Variants in CCL5 observed in about 807,000 individuals in gnomAD.
CCL5 encodes C-C motif chemokine 5.
Under a neutral mutation model 9.0 loss-of-function variants are expected in CCL5, and 5 were observed. That is an observed-to-expected ratio of 0.55 (90% CI 0.29 to 1.16). CCL5 has a LOEUF of 1.16. CCL5 is among the 50% of genes most tolerant of loss of function. CCL5 has a pLI of 0.08. For missense variants in CCL5, 183 were observed against 183.2 expected (o/e 1.00, Z 0.01); for synonymous variants, 66 against 72.0 (o/e 0.92, Z 0.42).
chr17:35,878,705 G>T, intron 1 of CCL5, 66 bp from the exon 2 acceptor site: 1 of 894,048 alleles, frequency 1.1e-6, no homozygotes, highest in Non-Finnish European at 1.8e-6. Flanking sequence ...ACATTGTGCT[G>T]GACACTTTAT....
intron 1 of CCL5, among the ~76,000 whole-genome samples, chr17:35,878,990 G>A (rs1313382582): frequency 6.6e-6 from 1 of 152,164 alleles, no homozygotes; most frequent in Admixed American, 6.5e-5. Flanking sequence ...CCTAGGGCAG[G>A]TTGTGGGGAG....
At chr17:35,873,924 T>C (rs1238392019) in intron 3 of CCL5, among the ~76,000 whole-genome samples, 1 of 152,134 alleles carries the variant, frequency 6.6e-6, no homozygotes, top group Non-Finnish European at 1.5e-5. Context: ...AGCCAGAATG[T>C]GGAGGCCTAT....
At chr17:35,879,618 G>C (rs556925222) in intron 1 of CCL5, among the ~76,000 whole-genome samples, 43 of 123,996 alleles carry the variant, frequency 3.5e-4, no homozygotes, top group African/African-American at 1.3e-3. Context: ...CTGGGCGACA[G>C]AGCGAAGACT....
rs1423637162 is a variant in CCL5, at chr17:35,880,268, A to G, written c.38T>C (p.Ile13Thr). The G allele has an allele frequency of 1.2e-6, 2 of 1,613,864 alleles. No individual in the cohort carries two copies. Among genetic ancestry groups the G allele is most frequent in the Non-Finnish European group, 1.7e-6 (2 of 1,179,930 alleles). The change falls in exon 1 of 4, where the codon ATT (isoleucine) becomes ACT (threonine). Residue 13 changes from isoleucine (I) to threonine (T), a missense_variant. By Grantham distance (89) the Ile-to-Thr change is moderately conservative (BLOSUM62 -1). Coordinates refer to ENST00000651122, the MANE Select transcript of CCL5 (RefSeq NM_001278736.2). ...TGCAGGAGCGCAGAGGGCAGTAGCAATGAGGATGACAGCGAGGGCTGCCGC... is the reference window on the plus strand; with the variant it reads ...TGCAGGAGCGCAGAGGGCAGTAGCAGTGAGGATGACAGCGAGGGCTGCCGC...
At chr17:35,876,539 A>G (rs2088443131) in intron 2 of CCL5, among the ~76,000 whole-genome samples, 1 of 152,136 alleles carries the variant, frequency 6.6e-6, no homozygotes, top group African/African-American at 2.4e-5. Flanking sequence ...AGGGCTTGCA[A>G]ATTCCACCTT....
Position 35,880,213 on chromosome 17 carries a change from T to G in CCL5, c.76+17A>C. ...AGTCTGACTCCAGGGGCTGTGGTGG[T>G]CAAGACCAGGACTTACATGGGGAGG... is the stretch of plus-strand genomic sequence containing the variant. On this transcript the variant is annotated intron_variant, in intron 1 of 3. Coordinates refer to ENST00000651122, the MANE Select transcript of CCL5 (RefSeq NM_001278736.2). 6.2e-7 allele frequency: 1 copy of G among 1,610,924 alleles called. No homozygotes were observed. The highest frequency in any genetic ancestry group is 1.1e-5 in the South Asian group (1 of 90,728).
chr17:35,874,542 C>T (rs1368068556), intron 3 of CCL5, among the ~76,000 whole-genome samples: 2 of 152,176 alleles, frequency 1.3e-5, no homozygotes, highest in Admixed American at 6.5e-5. Context: ...CTCAAGCCAT[C>T]CTCCTGCCTC....
At position 35,871,590 on chromosome 17, in the gene CCL5, G is replaced by A. The variant is rs938973452; in HGVS notation, c.*680C>T. On this transcript the variant is annotated 3_prime_UTR_variant, in exon 4 of 4. Coordinates refer to ENST00000651122, the MANE Select transcript of CCL5 (RefSeq NM_001278736.2). ...GACGGCGGAAGCTTAAGAGTGCAGT[G>A]TTCCTCCCCTCCTTGCCTCTAGAGG... The A allele has an allele frequency of 6.6e-6, 1 of 152,280 alleles. No homozygotes were observed. The highest frequency in any genetic ancestry group is 2.4e-5 in the African/African-American group (1 of 41,440). 9.4% of individuals were successfully genotyped at this position (152,280 alleles called of 1,614,324 possible). A position where few individuals can be genotyped will look rare whatever the true frequency, so the allele number is the denominator to read the frequency against.
intron 2 of CCL5, 107 bp downstream of exon 2, chr17:35,878,421 G>T: frequency 1.4e-6 from 1 of 732,858 alleles, no homozygotes; most frequent in Non-Finnish European, 2.5e-6. Flanking sequence ...AGATGGAGGA[G>T]CTGTGGCTGC....
intron 2 of CCL5, among the ~76,000 whole-genome samples, chr17:35,878,311 A>AAG (rs2088469384): frequency 7.0e-6 from 1 of 143,286 alleles, no homozygotes; most frequent in Admixed American, 7.1e-5. Context: ...AAAAAAAAAA[A>AAG]GATTGGAGTC....
At chr17:35,877,803 A>G (rs16963927) in intron 2 of CCL5, among the ~76,000 whole-genome samples, 15,648 of 151,988 alleles carry the variant, frequency 0.1, 1,338 homozygotes, top group African/African-American at 0.24. Flanking sequence ...ATTTGACTAC[A>G]GTTATAGATC....
chr17:35,879,990 G>A (rs767305930), intron 1 of CCL5, among the ~76,000 whole-genome samples: 19 of 152,176 alleles, frequency 1.2e-4, no homozygotes, highest in Admixed American at 3.3e-4. Context: ...CCTTGAGGGT[G>A]TAGACCTTAA....
At chr17:35,876,934 T>C (rs1003216859) in intron 2 of CCL5, among the ~76,000 whole-genome samples, 1 of 152,042 alleles carries the variant, frequency 6.6e-6, no homozygotes, top group African/African-American at 2.4e-5. Flanking sequence ...TCCCTTGTCA[T>C]GTTTTTTTTT....
intron 1 of CCL5, among the ~76,000 whole-genome samples, chr17:35,878,840 C>T (rs1170431597): frequency 1.3e-5 from 2 of 152,112 alleles, no homozygotes; most frequent in African/African-American, 2.4e-5. Flanking sequence ...AATCCTTGAG[C>T]CAAGCTTGTA....
rs28914811 is a variant in CCL5 at position 35,873,409 on chromosome 17, G to A, written c.271-945C>T. On this transcript the variant is annotated intron_variant, in intron 3 of 3. Coordinates refer to ENST00000651122, the MANE Select transcript of CCL5 (RefSeq NM_001278736.2). ...TCACTGTGTTAGCCAGGATGGTCTC[G>A]ATCTCCTGACCTCGTGATTCACCCA... Among the ~76,000 whole-genome samples the A allele has an allele frequency of 1.4e-3, 204 of 147,722 alleles. 3 individuals are homozygous for A. The East Asian group carries it at 0.027, about 19-fold the overall frequency.
chr17:35,877,037 CTG>C (rs1233480693), intron 2 of CCL5, among the ~76,000 whole-genome samples: 1 of 152,130 alleles, frequency 6.6e-6, no homozygotes, highest in Non-Finnish European at 1.5e-5. Context: ...CTTTAGTAAT[CTG>C]TGTCTGCCAA....
chr17:35,880,307 G>A lies in CCL5; in HGVS notation c.-2C>T. 1 of 1,610,848 alleles carries A rather than the reference G, an allele frequency of 6.2e-7. No homozygotes were observed. Among genetic ancestry groups the A allele is most frequent in the Non-Finnish European group, 8.5e-7 (1 of 1,178,500 alleles). On this transcript the variant is annotated 5_prime_UTR_variant, in exon 1 of 4. Coordinates refer to ENST00000651122, the MANE Select transcript of CCL5 (RefSeq NM_001278736.2). Reference sequence around the variant, plus strand: ...GAGGGCTGCCGCGGAGACCTTCATGGTACCTGTGGGAGAGGCTGTGCGAGG... The same window carrying A: ...GAGGGCTGCCGCGGAGACCTTCATGATACCTGTGGGAGAGGCTGTGCGAGG...
intron 3 of CCL5, among the ~76,000 whole-genome samples, chr17:35,873,191 C>CTT (rs533742230): frequency 5.9e-5 from 7 of 118,102 alleles, no homozygotes; most frequent in East Asian, 2.6e-4. Context: ...CGCCTGGCCT[C>CTT]TTTTTTTTTT....
chr17:35,877,596 T>C (rs1443076236), intron 2 of CCL5, among the ~76,000 whole-genome samples: 2 of 152,216 alleles, frequency 1.3e-5, no homozygotes, highest in African/African-American at 4.8e-5. Context: ...TTTCAATACC[T>C]GAAACATGGA....
Sources: allele counts gnomAD v4.1 joint callset (sites outside exome capture counted in the v4.1 genomes callset), GRCh38; gene constraint gnomAD v4.1.1; transcripts MANE v1.5; gene names NCBI Gene and HGNC (gene_info 2026-07-23, HGNC 2026-07-21).